The following TNRC6B variants were observed in gnomAD, a reference collection of about 807,000 sequenced individuals.
The protein encoded by TNRC6B is trinucleotide repeat-containing gene 6B protein.
A neutral mutation model predicts 203.6 loss-of-function variants in TNRC6B; 52 were observed. That is an observed-to-expected ratio of 0.26 (90% CI 0.20 to 0.32). The LOEUF is 0.32. Among genes scored for constraint, TNRC6B ranks in the 10% least tolerant of loss-of-function variants. The pLI is 1.00. For synonymous variants in TNRC6B, 838 were observed against 845.7 expected, an observed-to-expected ratio of 0.99 and a Z score of 0.16; for missense variants, 1,923 against 2,286.2, an observed-to-expected ratio of 0.84 and a Z score of 3.24.
In TNRC6B at chr22:40,046,097, A is replaced by G. The variant is rs564384635; in HGVS notation, c.-121+1099A>G. ...AGTGCCCCCACCAACAGTTAAGTAT[A>G]TATATAAAGTGTGTAGAAATGATAG... is the stretch of plus-strand genomic sequence containing the variant. On this transcript the variant is annotated intron_variant, in intron 1 of 23. Coordinates refer to the TNRC6B transcript ENST00000301923. 4.6e-5 allele frequency among the ~76,000 whole-genome samples: 7 copies of G among 152,348 alleles called. No homozygotes were observed. The South Asian group carries it at 1.2e-3, about 27-fold the overall frequency.
intron 21 of TNRC6B, 143 bp downstream of exon 21, chr22:40,316,155 C>T: frequency 1.5e-6 from 1 of 647,578 alleles, no homozygotes; most frequent in Non-Finnish European, 2.7e-6. Flanking sequence ...GAGATCAAGA[C>T]CATCCTGGCT....
intron 1 of TNRC6B, among the ~76,000 whole-genome samples, chr22:40,191,106 C>G (rs2069265543): frequency 6.6e-6 from 1 of 152,120 alleles, no homozygotes; most frequent in Non-Finnish European, 1.5e-5. Flanking sequence ...GAGGAAACAT[C>G]TGAGCTGGGT....
intron 1 of TNRC6B, among the ~76,000 whole-genome samples, chr22:40,100,286 C>T (rs904582144): frequency 6.6e-6 from 1 of 151,502 alleles, no homozygotes; most frequent in Middle Eastern, 3.2e-3. Context: ...GACAGGGTCT[C>T]GCCATGTTGC....
At chr22:40,154,288 C>T (rs527250591) in intron 3 of TNRC6B, among the ~76,000 whole-genome samples, 1 of 151,618 alleles carries the variant, frequency 6.6e-6, no homozygotes, top group African/African-American at 2.4e-5. Flanking sequence ...ATGGTGAAAC[C>T]CTGTCTCTAC....
chr22:40,106,819 A>G, intron 1 of TNRC6B: 2 of 1,117,830 alleles, frequency 1.8e-6, no homozygotes, highest in Non-Finnish European at 2.7e-6. Flanking sequence ...CTGCAGGTAC[A>G]TAGAAGTTGC....
intron 3 of TNRC6B, among the ~76,000 whole-genome samples, chr22:40,142,870 A>G (rs976158483): frequency 6.6e-6 from 1 of 152,210 alleles, no homozygotes; most frequent in East Asian, 1.9e-4. Flanking sequence ...GAACTGGATA[A>G]CCACATGGAA....
intron 4 of TNRC6B, chr22:40,156,185 GA>G: frequency 1.3e-6 from 2 of 1,567,568 alleles, no homozygotes; most frequent in Non-Finnish European, 1.7e-6. Flanking sequence ...AGCAAACAGT[GA>G]GTCACAGTTT....
chr22:40,188,821 T>G (rs1453294694), intron 1 of TNRC6B, among the ~76,000 whole-genome samples: 1 of 152,224 alleles, frequency 6.6e-6, no homozygotes, highest in African/African-American at 2.4e-5. Context: ...GAAACAGAAG[T>G]ATTTACTTTC....
intron 15 of TNRC6B, among the ~76,000 whole-genome samples, chr22:40,301,846 A>T (rs1490804089): frequency 6.6e-6 from 1 of 152,204 alleles, no homozygotes; most frequent in East Asian, 1.9e-4. Flanking sequence ...GCATGAAGCC[A>T]GCAGTCTTTC....
intron 15 of TNRC6B, among the ~76,000 whole-genome samples, chr22:40,303,091 CCAACCTCCACCTCCCA>C (rs1335431180): frequency 2.0e-5 from 3 of 147,472 alleles, no homozygotes; most frequent in Non-Finnish European, 3.0e-5. Flanking sequence ...ACTCTGTCGC[CCAACCTCCACCTCCCA>C]CAACCTCCAC....
intron 1 of TNRC6B, among the ~76,000 whole-genome samples, chr22:40,048,525 A>C (rs571969574): frequency 5.4e-5 from 8 of 148,702 alleles, no homozygotes; most frequent in African/African-American, 7.5e-5. Context: ...TGGGCAACAG[A>C]GCGAGGCTCC....
In TNRC6B at chr22:40,264,764, C is replaced by T. The variant is rs1482195853; in HGVS notation, c.534C>T (p.Gly178=). The change falls in exon 5 of 23, where the codon GGC becomes GGT. Residue 178 remains glycine, a synonymous_variant. Coordinates refer to ENST00000454349, the MANE Select transcript of TNRC6B (RefSeq NM_001162501.2). ...GCTCGGGAGCCTCCTCCAACAACGG[C>T]ACCTCCCCCAACCCAATTCACATCT... The part of the protein sequence containing the change: ...TWGSGASSNN[G]TSPNPIHIWD... 7.4e-6 allele frequency: 12 copies of T among 1,612,176 alleles called. No homozygotes were observed. The highest frequency in any genetic ancestry group is 1.3e-5 in the African/African-American group (1 of 74,960).
At chr22:40,047,964 T>G (rs756646469) in intron 1 of TNRC6B, among the ~76,000 whole-genome samples, 11 of 152,138 alleles carry the variant, frequency 7.2e-5, no homozygotes. Flanking sequence ...TTGTGCAGTT[T>G]TAGTTTAACA....
chr22:40,318,786 C>T (rs1273926469), intron 21 of TNRC6B, among the ~76,000 whole-genome samples: 1 of 152,082 alleles, frequency 6.6e-6, no homozygotes, highest in African/African-American at 2.4e-5. Context: ...ATGAAAAATG[C>T]TGGCCAGATG....
At chr22:40,085,016 G>C (rs147797197) in intron 1 of TNRC6B, among the ~76,000 whole-genome samples, 5 of 152,188 alleles carry the variant, frequency 3.3e-5, no homozygotes, top group Non-Finnish European at 5.9e-5. Context: ...TCTGTTGTTA[G>C]GTCATTGCAA....
At chr22:40,152,208 A>T (rs1408407959) in intron 3 of TNRC6B, among the ~76,000 whole-genome samples, 1 of 152,256 alleles carries the variant, frequency 6.6e-6, no homozygotes. Context: ...AGACACATGC[A>T]ATACACTAGG....
chr22:40,098,025 T>A (rs2068199033), intron 1 of TNRC6B, among the ~76,000 whole-genome samples: 1 of 151,994 alleles, frequency 6.6e-6, no homozygotes, highest in South Asian at 2.1e-4. Context: ...AAAACAACTT[T>A]AAATAAATAC....
At chr22:40,236,886 C>T (rs928208456) in intron 1 of TNRC6B, among the ~76,000 whole-genome samples, 5 of 152,114 alleles carry the variant, frequency 3.3e-5, no homozygotes, top group Admixed American at 1.3e-4. Context: ...ATCTCTTGGC[C>T]GGGCATGGTG....
At chr22:40,191,110 G>C (rs981459283) in intron 1 of TNRC6B, among the ~76,000 whole-genome samples, 5 of 152,156 alleles carry the variant, frequency 3.3e-5, no homozygotes, top group African/African-American at 1.2e-4. Flanking sequence ...AAACATCTGA[G>C]CTGGGTCTTA....
Sources: gnomAD v4.1 joint callset for allele counts (sites outside exome capture counted in the v4.1 genomes callset) on GRCh38, gnomAD v4.1.1 for gene constraint, MANE v1.5 for transcripts, NCBI Gene and HGNC (gene_info 2026-07-23, HGNC 2026-07-21) for gene names.